Variants in EXOC2 observed in about 807,000 individuals in gnomAD.
EXOC2 encodes the protein exocyst complex component 2.
EXOC2 carries 70 observed loss-of-function variants against 131.8 expected under a neutral mutation model. The ratio of observed to expected loss-of-function variants is 0.53; its 90% CI spans 0.44 to 0.65. The LOEUF is 0.65. Among genes scored for constraint, EXOC2 ranks in the 30% least tolerant of loss-of-function variants. The pLI is 0.00. For missense variants in EXOC2, 923 were observed against 1,108.6 expected, an observed-to-expected ratio of 0.83 and a Z score of 2.38; for synonymous variants, 411 against 398.4, an observed-to-expected ratio of 1.03 and a Z score of -0.38.
Position 589,327 on chromosome 6 carries a change from C to T in EXOC2, c.1192+3142G>A, listed in dbSNP as rs59155173. Among the ~76,000 whole-genome samples the T allele has an allele frequency of 3.8e-3, 571 of 151,338 alleles. 3 individuals are homozygous for T. The highest frequency in any genetic ancestry group is 0.013 in the African/African-American group (548 of 41,160). ...CCGATCCAGAGAACTGACTGTCGAG[C>T]ACCTGCACGGTGTCTGGAACGCTTC... is the stretch of plus-strand genomic sequence containing the variant. On this transcript the variant is annotated intron_variant, in intron 11 of 27. Transcript: ENST00000230449.
intron 11 of EXOC2, among the ~76,000 whole-genome samples, chr6:589,304 G>A (rs1759397918): frequency 6.6e-6 from 1 of 151,940 alleles, no homozygotes; most frequent in Non-Finnish European, 1.5e-5. Context: ...TCTCAATGCC[G>A]ATCCAGAGAA....
At chr6:582,697 A>G (rs897471595) in intron 11 of EXOC2, among the ~76,000 whole-genome samples, 4 of 152,162 alleles carry the variant, frequency 2.6e-5, no homozygotes, top group Admixed American at 6.5e-5. Flanking sequence ...GACCTGTGTC[A>G]ACAGATAAAA....
intron 17 of EXOC2, among the ~76,000 whole-genome samples, chr6:559,734 C>T (rs776823442): frequency 2.0e-4 from 31 of 152,162 alleles, no homozygotes; most frequent in Admixed American, 1.3e-4. Flanking sequence ...ATCAGGCAAA[C>T]GAGGTCTGGA....
chr6:546,989 G>A lies in EXOC2; in HGVS notation c.2238+2186C>T, dbSNP rs78220744. On this transcript the variant is annotated intron_variant, in intron 22 of 27. Transcript: ENST00000230449. ...ATGGTGCTGGACCAGAAAGCATTCCGGATTTAGAATGAGAAAATGTAATTT... is the reference window on the plus strand; with the variant it reads ...ATGGTGCTGGACCAGAAAGCATTCCAGATTTAGAATGAGAAAATGTAATTT... Among the ~76,000 whole-genome samples, 537 of 152,272 alleles carry A rather than the reference G, an allele frequency of 3.5e-3. 1 individual carries two copies. Among genetic ancestry groups the A allele is most frequent in the East Asian group, 0.013 (68 of 5,178 alleles).
At chr6:548,772 T>C (rs1581414562) in intron 22 of EXOC2, among the ~76,000 whole-genome samples, 1 of 151,350 alleles carries the variant, frequency 6.6e-6, no homozygotes, top group Admixed American at 6.6e-5. Flanking sequence ...CAGGAAGAGG[T>C]TTTTCTGCAG....
intron 11 of EXOC2, among the ~76,000 whole-genome samples, chr6:578,628 T>G (rs1758718784): frequency 6.6e-6 from 1 of 152,214 alleles, no homozygotes; most frequent in African/African-American, 2.4e-5. Flanking sequence ...TGAACAGATT[T>G]TTTAGTGCAA....
intron 7 of EXOC2, among the ~76,000 whole-genome samples, chr6:603,941 A>G (rs1246314045): frequency 6.6e-6 from 1 of 152,240 alleles, no homozygotes; most frequent in Non-Finnish European, 1.5e-5. Context: ...AATGACAGCT[A>G]ATAACGACAG....
At chr6:524,629 A>G (rs1765646938) in intron 23 of EXOC2, among the ~76,000 whole-genome samples, 1 of 152,220 alleles carries the variant, frequency 6.6e-6, no homozygotes, top group South Asian at 2.1e-4. Context: ...ATTTTCTGAT[A>G]AAGTTTGTAT....
chr6:630,075 T>G, intron 3 of EXOC2, 114 bp from the exon 4 acceptor site: 1 of 1,273,528 alleles, frequency 7.9e-7, no homozygotes, highest in Non-Finnish European at 1.0e-6. Flanking sequence ...TGTTGGATAA[T>G]CTTTAAGAGA....
chr6:526,274 G>T (rs969854248), intron 23 of EXOC2, among the ~76,000 whole-genome samples: 1 of 151,920 alleles, frequency 6.6e-6, no homozygotes, highest in Non-Finnish European at 1.5e-5. Context: ...CAATCCAGAG[G>T]GTTTTAATAA....
chr6:530,685 G>A (rs992586644), intron 23 of EXOC2, among the ~76,000 whole-genome samples: 1 of 152,228 alleles, frequency 6.6e-6, no homozygotes, highest in Non-Finnish European at 1.5e-5. Flanking sequence ...GGGAGCCCGT[G>A]GAGAGGGAAG....
At chr6:561,131 C>G (rs1427291632) in intron 17 of EXOC2, among the ~76,000 whole-genome samples, 2 of 152,160 alleles carry the variant, frequency 1.3e-5, no homozygotes, top group Non-Finnish European at 2.9e-5. Context: ...CATTGCTTTT[C>G]TAAATCACCT....
chr6:572,556 G>T lies in EXOC2; in HGVS notation c.1407C>A (p.Leu469=), dbSNP rs140296352. The T allele has an allele frequency of 1.2e-6, 2 of 1,614,186 alleles. No individual in the cohort carries two copies. The highest frequency in any genetic ancestry group is 1.7e-6 in the Non-Finnish European group (2 of 1,180,030). ...GGCTTCCATTAACGTAGGAGATCCA[G>T]AGTTTCCAGAAGTTAGGCAGCTGGC... ...VLSQLPNFWK[L]WISYVNGSLF... is the part of the protein sequence containing the mutation. The change falls in exon 13 of 28, where the codon CTC becomes CTA. Residue 469 remains leucine (L), a synonymous_variant. Transcript: ENST00000230449.
At chr6:633,187 C>T in intron 2 of EXOC2, 70 bp from the exon 3 acceptor site, 1 of 1,506,824 alleles carries the variant, frequency 6.6e-7, no homozygotes, top group Non-Finnish European at 9.0e-7. Flanking sequence ...GTGTAGATTA[C>T]ATTTTTTAAA....
Position 564,552 on chromosome 6 carries a change from T to C in EXOC2, c.1660A>G (p.Thr554Ala). ...SGQWLAHAIQ[T>A]VRLTHESLTA... ...GAATGTGTCCATACTCACCTTACAG[T>C]CTGGATGGCGTGAGCGAGCCACTGT... Residue 554 changes from threonine to alanine, a missense_variant, in exon 15 of 28, where the codon ACT (threonine) becomes GCT (alanine). Transcript: ENST00000230449. 6.2e-7 allele frequency: 1 copy of C among 1,614,168 alleles called. No homozygotes were observed. The highest frequency in any genetic ancestry group is 1.3e-5 in the African/African-American group (1 of 75,052).
chr6:615,185 GTGTGTGTGTGT>G (rs1561927783), intron 6 of EXOC2, among the ~76,000 whole-genome samples: 3 of 120,930 alleles, frequency 2.5e-5, no homozygotes, highest in Non-Finnish European at 4.8e-5. Context: ...GGGTGTGGGT[GTGTGTGTGTGT>G]GTGTGTGTGT....
rs763975350 is a variant in EXOC2 at position 602,727 on chromosome 6, TCTCA to T, written c.743-3506_743-3503del. On this transcript the variant is annotated intron_variant, in intron 7 of 27. Transcript: ENST00000230449. Reference sequence around the variant, plus strand: ...AGCACCAGTGAATTTGGACAATGCCTCTCACTGTCTCGGTCACACAGGAACTGCA... The same window carrying T: ...AGCACCAGTGAATTTGGACAATGCCTCTGTCTCGGTCACACAGGAACTGCA... 5.3e-5 allele frequency among the ~76,000 whole-genome samples: 8 copies of T among 152,122 alleles called. No homozygotes were observed. The East Asian group carries it at 1.3e-3, about 26-fold the overall frequency.
intron 23 of EXOC2, chr6:524,181 C>G (rs1030988937): frequency 9.9e-5 from 15 of 152,046 alleles, no homozygotes; most frequent in African/African-American, 3.6e-4. Flanking sequence ...AGGACATTTA[C>G]GTATGGGGAA....
At chr6:511,287 A>T (rs1764832990) in intron 23 of EXOC2, among the ~76,000 whole-genome samples, 1 of 152,236 alleles carries the variant, frequency 6.6e-6, no homozygotes, top group Non-Finnish European at 1.5e-5. Flanking sequence ...TATAGCTCCT[A>T]TTCTCAATAT....
Sources: allele counts gnomAD v4.1 joint callset (sites outside exome capture counted in the v4.1 genomes callset), GRCh38; gene constraint gnomAD v4.1.1; transcripts MANE v1.5; gene names NCBI Gene and HGNC (gene_info 2026-07-23, HGNC 2026-07-21).